Variants in TNRC6A observed in about 807,000 individuals in gnomAD.
The protein encoded by TNRC6A is trinucleotide repeat containing adaptor 6A.
In TNRC6A, 44 loss-of-function variants were observed where a neutral mutation model predicts 221.2. That is an observed-to-expected ratio of 0.20 (90% confidence interval 0.16 to 0.26). The LOEUF (loss-of-function observed/expected upper bound fraction) is 0.26. Among genes scored for constraint, TNRC6A ranks in the 10% least tolerant of loss-of-function variants. TNRC6A has a pLI of 1.00. For missense variants in TNRC6A, 2,199 were observed against 2,404.4 expected, an observed-to-expected ratio of 0.91 and a Z score of 1.79; for synonymous variants, 847 against 838.5, an observed-to-expected ratio of 1.01 and a Z score of -0.18.
intron 2 of TNRC6A, among the ~76,000 whole-genome samples, chr16:24,659,721 G>A (rs968348366): frequency 4.6e-5 from 7 of 152,188 alleles, no homozygotes; most frequent in African/African-American, 1.7e-4. Context: ...GGGATTACAG[G>A]CATGAGCTAT....
intron 5 of TNRC6A, among the ~76,000 whole-genome samples, chr16:24,781,525 T>G (rs2151775193): frequency 6.6e-6 from 1 of 152,318 alleles, no homozygotes; most frequent in Admixed American, 6.5e-5. Context: ...GTCACTGATC[T>G]TCTGAATGTC....
chr16:24,687,657 G>T (rs2055653466), intron 2 of TNRC6A, among the ~76,000 whole-genome samples: 1 of 151,972 alleles, frequency 6.6e-6, no homozygotes, highest in Non-Finnish European at 1.5e-5. Flanking sequence ...AATTAGCTGG[G>T]TGAGGTGATG....
intron 2 of TNRC6A, among the ~76,000 whole-genome samples, chr16:24,680,120 T>C (rs1206463961): frequency 1.3e-5 from 2 of 152,136 alleles, no homozygotes; most frequent in Non-Finnish European, 2.9e-5. Context: ...CCACAGTTTT[T>C]AAAAATTTTA....
At chr16:24,663,838 G>T in intron 2 of TNRC6A, 1 of 446,018 alleles carries the variant, frequency 2.2e-6, no homozygotes. Flanking sequence ...AAATCATGTT[G>T]TTAGCATCAA....
chr16:24,802,509 A>G (rs1188090253), intron 11 of TNRC6A, among the ~76,000 whole-genome samples: 4 of 152,234 alleles, frequency 2.6e-5, no homozygotes, highest in African/African-American at 9.6e-5. Context: ...AGATTGTGCC[A>G]CTACGCTCCA....
intron 2 of TNRC6A, among the ~76,000 whole-genome samples, chr16:24,705,383 G>A (rs961794965): frequency 6.6e-6 from 1 of 151,550 alleles, no homozygotes; most frequent in Non-Finnish European, 1.5e-5. Context: ...CCAGGCTGGA[G>A]TGCAGTGGCA....
intron 22 of TNRC6A, among the ~76,000 whole-genome samples, chr16:24,820,965 T>C (rs1408554713): frequency 6.6e-6 from 1 of 152,200 alleles, no homozygotes; most frequent in East Asian, 1.9e-4. Flanking sequence ...TATCCTTCAC[T>C]CTACCTTGCC....
intron 2 of TNRC6A, among the ~76,000 whole-genome samples, chr16:24,720,410 C>T (rs1310882794): frequency 4.0e-5 from 6 of 151,788 alleles, no homozygotes; most frequent in Non-Finnish European, 8.8e-5. Flanking sequence ...AAAAAGAGGT[C>T]AGGTGTGGGG....
At chr16:24,717,086 T>C (rs2056328037) in intron 2 of TNRC6A, among the ~76,000 whole-genome samples, 1 of 152,040 alleles carries the variant, frequency 6.6e-6, no homozygotes, top group Non-Finnish European at 1.5e-5. Flanking sequence ...TAATTGCTAT[T>C]ATTTATTTAT....
At chr16:24,719,360 C>T (rs1213964670) in intron 2 of TNRC6A, among the ~76,000 whole-genome samples, 1 of 152,010 alleles carries the variant, frequency 6.6e-6, no homozygotes, top group African/African-American at 2.4e-5. Flanking sequence ...CCTATCTCTA[C>T]AAAAAATTTT....
At chr16:24,618,134 G>C (rs1596540231) in intron 1 of TNRC6A, among the ~76,000 whole-genome samples, 1 of 59,326 alleles carries the variant, frequency 1.7e-5, no homozygotes, top group Non-Finnish European at 3.4e-5. Context: ...TGCCCAGACT[G>C]GGTCTTGAAC....
chr16:24,825,513 G>C lies in TNRC6A; in HGVS notation c.*1706G>C, dbSNP rs894929421. On this transcript the variant is annotated 3_prime_UTR_variant, in exon 25 of 25. Transcript: ENST00000395799. The stretch of plus-strand genomic sequence containing the variant: ...TTGTAGGCTCTTTTTTATAATGAAA[G>C]TTTCAAAGTTGCTATGTATGAGGGT... 2.6e-5 allele frequency: 4 copies of C among 152,578 alleles called. No homozygotes were observed. Among genetic ancestry groups the C allele is most frequent in the Non-Finnish European group, 4.4e-5 (3 of 68,024 alleles). The allele number at this position is 152,578 out of a possible 1,614,324, so 9.5% of individuals were successfully genotyped here.
chr16:24,670,300 T>C (rs186824447), intron 2 of TNRC6A, among the ~76,000 whole-genome samples: 220 of 152,116 alleles, frequency 1.4e-3, no homozygotes, highest in Non-Finnish European at 2.7e-3. Context: ...AGGCTTAATG[T>C]GGGAAAATAG....
intron 4 of TNRC6A, chr16:24,776,703 G>A (rs1182932757): frequency 7.1e-6 from 7 of 985,336 alleles, no homozygotes; most frequent in African/African-American, 1.7e-5. Flanking sequence ...TGTCTTGGCC[G>A]AAGGTCCCTG....
chr16:24,611,191 T>C (rs537656015), intron 1 of TNRC6A, among the ~76,000 whole-genome samples: 1 of 152,324 alleles, frequency 6.6e-6, no homozygotes, highest in South Asian at 2.1e-4. Flanking sequence ...CTAACCTCGC[T>C]TTTTAAAATT....
intron 2 of TNRC6A, among the ~76,000 whole-genome samples, chr16:24,660,765 G>A (rs1182770176): frequency 5.6e-5 from 6 of 107,466 alleles, no homozygotes; most frequent in Non-Finnish European, 1.0e-4. Flanking sequence ...TTTTTGAGAC[G>A]GAGTCTCGCT....
At chr16:24,819,225 C>G (rs562402289) in intron 21 of TNRC6A, among the ~76,000 whole-genome samples, 1 of 152,242 alleles carries the variant, frequency 6.6e-6, no homozygotes, top group East Asian at 1.9e-4. Context: ...TAGCACTGAC[C>G]TAATGCACAC....
intron 1 of TNRC6A, among the ~76,000 whole-genome samples, chr16:24,615,380 G>C (rs1900289504): frequency 6.6e-6 from 1 of 152,112 alleles, no homozygotes; most frequent in Non-Finnish European, 1.5e-5. Flanking sequence ...CTAGACAGTG[G>C]GATATGCTCA....
intron 2 of TNRC6A, among the ~76,000 whole-genome samples, chr16:24,709,470 G>T (rs1011185206): frequency 4.6e-5 from 7 of 152,084 alleles, no homozygotes; most frequent in Admixed American, 2.0e-4. Flanking sequence ...TAACATTTTT[G>T]ATCACATTTT....
Sources: gnomAD v4.1 joint callset for allele counts (sites outside exome capture counted in the v4.1 genomes callset) on GRCh38, gnomAD v4.1.1 for gene constraint, MANE v1.5 for transcripts, NCBI Gene and HGNC (gene_info 2026-07-23, HGNC 2026-07-21) for gene names.